The following DYRK1A variants were observed in gnomAD, a reference collection of about 807,000 sequenced individuals.
The protein encoded by DYRK1A is dual specificity tyrosine phosphorylation regulated kinase 1A.
Under a neutral mutation model 79.7 loss-of-function variants are expected in DYRK1A, and 9 were observed. That is an observed-to-expected ratio of 0.11 (90% CI 0.07 to 0.20). The LOEUF is 0.20. DYRK1A is among the 10% of genes least tolerant of loss of function. DYRK1A has a pLI of 1.00. For missense variants in DYRK1A, 622 were observed against 956.0 expected, an observed-to-expected ratio of 0.65 and a Z score of 4.61; for synonymous variants, 349 against 329.7, an observed-to-expected ratio of 1.06 and a Z score of -0.63.
At chr21:37,439,910 TG>T (rs371915398) in intron 2 of DYRK1A, among the ~76,000 whole-genome samples, 1 of 152,218 alleles carries the variant, frequency 6.6e-6, no homozygotes, top group East Asian at 1.9e-4. Flanking sequence ...GATTTCTTAA[TG>T]TTAAACTGAT....
chr21:37,486,366 A>G, intron 5 of DYRK1A, 101 bp from the exon 6 acceptor site: 4 of 940,380 alleles, frequency 4.3e-6, no homozygotes, highest in East Asian at 6.3e-5. Flanking sequence ...ATAAAAACAT[A>G]TAATTGAGAA....
intron 1 of DYRK1A, among the ~76,000 whole-genome samples, chr21:37,405,454 A>G (rs1352488768): frequency 6.6e-6 from 1 of 152,166 alleles, no homozygotes; most frequent in Non-Finnish European, 1.5e-5. Flanking sequence ...GCATCTATGC[A>G]TGACTCCTTC....
intron 3 of DYRK1A, among the ~76,000 whole-genome samples, chr21:37,474,797 G>T (rs1296217408): frequency 1.3e-5 from 2 of 152,222 alleles, no homozygotes; most frequent in African/African-American, 2.4e-5. Context: ...GAGGAAGACT[G>T]ATGTTTGGAA....
chr21:37,478,681 T>A (rs1477566227), intron 4 of DYRK1A, among the ~76,000 whole-genome samples: 1 of 152,218 alleles, frequency 6.6e-6, no homozygotes, highest in Non-Finnish European at 1.5e-5. Context: ...ATATATTTGT[T>A]TCTGCTTTTG....
chr21:37,497,346 A>G lies in DYRK1A; in HGVS notation c.1212+1088A>G, dbSNP rs533691528. Among the ~76,000 whole-genome samples, 7 of 152,342 alleles carry G rather than the reference A, an allele frequency of 4.6e-5. No homozygotes were observed. The East Asian group carries it at 1.2e-3, about 25-fold the overall frequency. On this transcript the variant is annotated intron_variant, in intron 9 of 11. Coordinates refer to ENST00000647188, the MANE Select transcript of DYRK1A (RefSeq NM_001347721.2). Reference sequence around the variant, plus strand: ...GTGTTCTGCCATATTCACTAAAGCTATAGGCAGTGCAGTTTCCAGCTGCTA... The same window carrying G: ...GTGTTCTGCCATATTCACTAAAGCTGTAGGCAGTGCAGTTTCCAGCTGCTA...
At chr21:37,382,587 T>G (rs1174756723) in intron 1 of DYRK1A, among the ~76,000 whole-genome samples, 1 of 152,196 alleles carries the variant, frequency 6.6e-6, no homozygotes, top group Non-Finnish European at 1.5e-5. Flanking sequence ...AACTTGGATC[T>G]TCAACCTTTT....
chr21:37,479,184 G>A (rs1450020003), intron 4 of DYRK1A, among the ~76,000 whole-genome samples: 1 of 151,168 alleles, frequency 6.6e-6, no homozygotes, highest in Non-Finnish European at 1.5e-5. Context: ...TTTAATGACA[G>A]TATTACTACA....
At chr21:37,489,734 G>A (rs1266311489) in intron 6 of DYRK1A, among the ~76,000 whole-genome samples, 1 of 152,130 alleles carries the variant, frequency 6.6e-6, no homozygotes, top group East Asian at 1.9e-4. Context: ...ACAGAGGGCT[G>A]CCAACTACAG....
chr21:37,435,996 A>T (rs2050914181), intron 2 of DYRK1A, among the ~76,000 whole-genome samples: 2 of 152,254 alleles, frequency 1.3e-5, no homozygotes, highest in South Asian at 4.1e-4. Flanking sequence ...CTGCAGAAAA[A>T]AAAATCAGTT....
chr21:37,447,528 C>T (rs1291822323), intron 2 of DYRK1A, among the ~76,000 whole-genome samples: 1 of 152,258 alleles, frequency 6.6e-6, no homozygotes, highest in African/African-American at 2.4e-5. Context: ...TCTGTGGCTG[C>T]TTTTGTGCTA....
At chr21:37,484,800 G>A (rs2052794988) in intron 5 of DYRK1A, among the ~76,000 whole-genome samples, 1 of 152,170 alleles carries the variant, frequency 6.6e-6, no homozygotes, top group Non-Finnish European at 1.5e-5. Flanking sequence ...GAACAAGTGA[G>A]CACAGGAACC....
chr21:37,491,311 A>G (rs1394014908), intron 7 of DYRK1A, among the ~76,000 whole-genome samples: 1 of 152,182 alleles, frequency 6.6e-6, no homozygotes, highest in East Asian at 1.9e-4. Flanking sequence ...TCTCCTCTTG[A>G]AAGGAATTAG....
intron 1 of DYRK1A, among the ~76,000 whole-genome samples, chr21:37,417,653 A>G (rs547924394): frequency 2.6e-4 from 38 of 147,922 alleles, no homozygotes; most frequent in African/African-American, 8.8e-4. Context: ...CTCAGTACCT[A>G]TCTGAGCATA....
chr21:37,507,160 C>G (rs1433632654), intron 11 of DYRK1A, among the ~76,000 whole-genome samples: 1 of 152,186 alleles, frequency 6.6e-6, no homozygotes, highest in Admixed American at 6.5e-5. Flanking sequence ...ACATTGAATA[C>G]ATGATCCTGC....
At chr21:37,482,851 G>T (rs973048824) in intron 5 of DYRK1A, among the ~76,000 whole-genome samples, 1 of 152,128 alleles carries the variant, frequency 6.6e-6, no homozygotes, top group Non-Finnish European at 1.5e-5. Context: ...AGAATTCAGC[G>T]ATATTTCTCC....
chr21:37,437,775 T>G (rs533975656), intron 2 of DYRK1A, among the ~76,000 whole-genome samples: 7 of 152,204 alleles, frequency 4.6e-5, no homozygotes, highest in Non-Finnish European at 1.0e-4. Flanking sequence ...TTGGGTTGTT[T>G]CCAGTTTTTG....
intron 7 of DYRK1A, among the ~76,000 whole-genome samples, chr21:37,491,507 G>C (rs746368761): frequency 2.0e-5 from 3 of 152,004 alleles, no homozygotes; most frequent in Non-Finnish European, 4.4e-5. Flanking sequence ...CTTTTGTCCA[G>C]GTTTTAACTA....
intron 1 of DYRK1A, among the ~76,000 whole-genome samples, chr21:37,398,585 T>G (rs73413134): frequency 0.016 from 2,462 of 152,314 alleles, 73 homozygotes; most frequent in African/African-American, 0.054. Flanking sequence ...TAGATACTTT[T>G]GTTTTTACAT....
intron 8 of DYRK1A, among the ~76,000 whole-genome samples, chr21:37,493,838 GAA>G (rs2053173409): frequency 6.6e-6 from 1 of 151,774 alleles, no homozygotes; most frequent in East Asian, 1.9e-4. Context: ...AATGAGAAGA[GAA>G]AGGCCAAAGG....
Sources: gnomAD v4.1 joint callset for allele counts (sites outside exome capture counted in the v4.1 genomes callset) on GRCh38, gnomAD v4.1.1 for gene constraint, MANE v1.5 for transcripts, NCBI Gene and HGNC (gene_info 2026-07-23, HGNC 2026-07-21) for gene names.